The following GON4L variants were observed in gnomAD, a reference collection of about 807,000 sequenced individuals.
The protein encoded by GON4L is gon-4 like.
Under a neutral mutation model 211.8 loss-of-function variants are expected in GON4L, and 87 were observed. The observed-to-expected ratio is 0.41, with a 90% confidence interval of 0.35 to 0.49. The LOEUF (loss-of-function observed/expected upper bound fraction) is 0.49. Among genes scored for constraint, GON4L ranks in the 20% least tolerant of loss-of-function variants. The pLI is 0.15. For synonymous variants in GON4L, 875 were observed against 962.6 expected (o/e 0.91, Z 1.68); for missense variants, 2,155 against 2,659.5 (o/e 0.81, Z 4.17).
chr1:155,767,338 A>G, intron 20 of GON4L, 87 bp downstream of exon 20: 2 of 1,613,694 alleles, frequency 1.2e-6, no homozygotes, highest in Non-Finnish European at 1.7e-6. Context: ...CAACTAAAGC[A>G]TTAGACGATT....
At chr1:155,813,471 T>C (rs776648914) in intron 10 of GON4L, among the ~76,000 whole-genome samples, 163 bp downstream of exon 10, 28 of 151,900 alleles carry the variant, frequency 1.8e-4, no homozygotes, top group Admixed American at 4.6e-4. Context: ...CAAACTGCCA[T>C]TGTCACTTTG....
chr1:155,797,177 C>T (rs139977231), intron 11 of GON4L, among the ~76,000 whole-genome samples: 1 of 151,910 alleles, frequency 6.6e-6, no homozygotes, highest in East Asian at 1.9e-4. Context: ...TGCAGTGGCT[C>T]GATCTCAGCT....
At position 155,785,191 on chromosome 1, in the gene GON4L, A is replaced by G. The variant is rs771322735; in HGVS notation, c.1788+143T>C. On this transcript the variant is annotated intron_variant, in intron 13 of 31. Transcript: ENST00000368331. ...TAGTTAGCAAAATTCCCTTGTCATT[A>G]TATTCTTTCCCAGGTAGACTAAAAG... is the stretch of plus-strand genomic sequence containing the variant. 3 of 756,734 alleles carry G rather than the reference A, an allele frequency of 4.0e-6. No homozygotes were observed. The South Asian group carries it at 4.1e-5, about 10-fold the overall frequency. The allele number at this position is 756,734 out of a possible 1,614,324, so 46.9% of individuals were successfully genotyped here. A position where few individuals can be genotyped will look rare whatever the true frequency, so the allele number is the denominator to read the frequency against.
downstream of GON4L, chr1:155,747,086 A>G (rs772283397): frequency 5.6e-6 from 9 of 1,606,294 alleles, 1 homozygote; most frequent in African/African-American, 7.2e-5. Flanking sequence ...CTTTGCCTCT[A>G]AACTGCCTGG....
At chr1:155,816,301 T>C in intron 6 of GON4L, 39 bp from the exon 7 acceptor site, 1 of 944,174 alleles carries the variant, frequency 1.1e-6, no homozygotes, top group Non-Finnish European at 1.7e-6. Context: ...TTATCTTAAC[T>C]GAAATAATTG....
intron 31 of GON4L, 133 bp downstream of exon 31, chr1:155,751,634 C>T (rs543301307): frequency 3.0e-6 from 2 of 666,126 alleles, no homozygotes. Flanking sequence ...ATGAGTCAAG[C>T]CTTTCCTTAG....
intron 14 of GON4L, among the ~76,000 whole-genome samples, chr1:155,778,475 T>G (rs1336010613): frequency 1.3e-5 from 2 of 152,152 alleles, no homozygotes; most frequent in African/African-American, 4.8e-5. Context: ...ACGGTCTCCA[T>G]CTCCTGACCT....
intron 6 of GON4L, among the ~76,000 whole-genome samples, chr1:155,816,773 TAAAAAAA>T (rs34370558): frequency 3.8e-5 from 3 of 78,084 alleles, no homozygotes; most frequent in Middle Eastern, 0.011. Context: ...TTTTTTTTCT[TAAAAAAA>T]AAAAAAAAAA....
At chr1:155,854,145 T>G (rs913861883) in intron 1 of GON4L, among the ~76,000 whole-genome samples, 2 of 152,124 alleles carry the variant, frequency 1.3e-5, no homozygotes, top group Non-Finnish European at 2.9e-5. Context: ...TATTTTTGTG[T>G]TTTTTTGTTT....
chr1:155,826,952 C>G lies in GON4L; in HGVS notation c.582G>C (p.Gln194His). ...CATCTGGCTGGGTTGATTTCCTGGGCTGGCTTACTGGTTTTGCAGATTGGC... is the reference window on the plus strand; with the variant it reads ...CATCTGGCTGGGTTGATTTCCTGGGGTGGCTTACTGGTTTTGCAGATTGGC... ...SGSQSAKPVSQPRKSTQPDVC... is the reference protein window; with the variant it reads ...SGSQSAKPVSHPRKSTQPDVC... The change falls in exon 3 of 32, where the codon CAG becomes CAC. Residue 194 changes from glutamine to histidine, a missense_variant. Gln to His is a conservative substitution (Grantham distance 24, BLOSUM62 0). Coordinates refer to ENST00000368331, the MANE Select transcript of GON4L (RefSeq NM_001282860.2). 1 of 1,614,010 alleles carries G rather than the reference C, an allele frequency of 6.2e-7. No individual in the cohort carries two copies. Among genetic ancestry groups the G allele is most frequent in the Non-Finnish European group, 8.5e-7 (1 of 1,179,888 alleles).
Position 155,774,991 on chromosome 1 carries a change from C to G in GON4L, c.2350+11G>C. Reference sequence around the variant, plus strand: ...AAGTAAAAACTTAAAGCTGACACATCTGTCTCCTACCAGTCTTCTTGACAG... The same window carrying G: ...AAGTAAAAACTTAAAGCTGACACATGTGTCTCCTACCAGTCTTCTTGACAG... On this transcript the variant is annotated intron_variant, in intron 17 of 31. Transcript: ENST00000368331. 1 of 1,605,692 alleles carries G rather than the reference C, an allele frequency of 6.2e-7. No homozygotes were observed. Among genetic ancestry groups the G allele is most frequent in the Non-Finnish European group, 8.5e-7 (1 of 1,173,398 alleles).
At chr1:155,847,663 C>A (rs1671376380) in intron 2 of GON4L, among the ~76,000 whole-genome samples, 1 of 152,088 alleles carries the variant, frequency 6.6e-6, no homozygotes, top group African/African-American at 2.4e-5. Flanking sequence ...GATGGCGCCA[C>A]TGCACTCCAG....
chr1:155,771,631 C>A (rs1663203926), intron 18 of GON4L, among the ~76,000 whole-genome samples: 2 of 152,048 alleles, frequency 1.3e-5, no homozygotes, highest in South Asian at 2.1e-4. Context: ...CACCACCATG[C>A]CGGGCTAATT....
intron 2 of GON4L, among the ~76,000 whole-genome samples, chr1:155,837,456 C>G (rs1451566155): frequency 6.6e-6 from 1 of 152,108 alleles, no homozygotes; most frequent in East Asian, 1.9e-4. Context: ...CCCTTTCTGC[C>G]TTTTCAGTCT....
At chr1:155,798,088 A>C (rs1474036882) in intron 11 of GON4L, among the ~76,000 whole-genome samples, 6 of 148,974 alleles carry the variant, frequency 4.0e-5, no homozygotes, top group Non-Finnish European at 8.9e-5. Context: ...CTCAAAAACA[A>C]ATATATATTT....
At chr1:155,754,704 A>AT (rs1660992111) in intron 27 of GON4L, among the ~76,000 whole-genome samples, 1 of 150,254 alleles carries the variant, frequency 6.7e-6, no homozygotes, top group Non-Finnish European at 1.5e-5. Flanking sequence ...TAATTTTTGT[A>AT]TTTTTAGTAG....
At position 155,791,925 on chromosome 1, in the gene GON4L, C is replaced by CATA. The variant is rs1557867487; in HGVS notation, c.1747+3124_1747+3125insTAT. 3.3e-3 allele frequency among the ~76,000 whole-genome samples: 448 copies of CATA among 133,842 alleles called. 5 individuals are homozygous for CATA. Among genetic ancestry groups the CATA allele is most frequent in the African/African-American group, 0.011 (326 of 29,724 alleles). The allele number at this position is 133,842 out of a possible 152,430, so 87.8% of individuals were successfully genotyped here. On this transcript the variant is annotated intron_variant, in intron 12 of 31. Transcript: ENST00000368331. ...AACATAACATAACATAACATAACAT[C>CATA]ACATAACATAACATAACATAAAGAC...
At chr1:155,840,112 CTCCAGTA>C (rs1670644323) in intron 2 of GON4L, among the ~76,000 whole-genome samples, 1 of 152,194 alleles carries the variant, frequency 6.6e-6, no homozygotes, top group Non-Finnish European at 1.5e-5. Context: ...CAATGTTTTC[CTCCAGTA>C]TAACTTGATT....
intron 14 of GON4L, among the ~76,000 whole-genome samples, chr1:155,780,755 CT>C (rs1340137154): frequency 6.6e-6 from 1 of 151,978 alleles, no homozygotes; most frequent in Non-Finnish European, 1.5e-5. Flanking sequence ...GAAAAAGATA[CT>C]TAAGTGATTA....
Sources: gnomAD v4.1 joint callset for allele counts (sites outside exome capture counted in the v4.1 genomes callset) on GRCh38, gnomAD v4.1.1 for gene constraint, MANE v1.5 for transcripts, NCBI Gene and HGNC (gene_info 2026-07-23, HGNC 2026-07-21) for gene names.